Variants in ZFAND3 observed in about 807,000 individuals in gnomAD.
ZFAND3 encodes AN1-type zinc finger protein 3.
A neutral mutation model predicts 29.6 loss-of-function variants in ZFAND3; 10 were observed. The observed-to-expected ratio is 0.34, with a 90% CI of 0.21 to 0.57. ZFAND3 has a LOEUF of 0.57. Ranked by LOEUF, ZFAND3 falls within the 20% of genes least tolerant of loss-of-function variation. The pLI is 0.86. For synonymous variants in ZFAND3, 128 were observed against 112.6 expected, an observed-to-expected ratio of 1.14 and a Z score of -0.87; for missense variants, 230 against 304.5, an observed-to-expected ratio of 0.76 and a Z score of 1.82.
chr6:38,152,298 G>C lies in ZFAND3; in HGVS notation c.593G>C (p.Gly198Ala), dbSNP rs1281381480. The C allele has an allele frequency of 6.2e-7, 1 of 1,609,834 alleles. No homozygotes were observed. The highest frequency in any genetic ancestry group is 2.2e-5 in the East Asian group (1 of 44,530). The change falls in exon 6 of 6, where the codon GGC becomes GCC. Residue 198 changes from glycine (G) to alanine (A), a missense_variant. Transcript: ENST00000287218. ...EQHDCTFDHM[G>A]RGREEAIMKM... ...CACGACTGCACATTCGACCACATGGGCCGTGGCCGGGAGGAAGCCATCATG... is the reference window on the plus strand; with the variant it reads ...CACGACTGCACATTCGACCACATGGCCCGTGGCCGGGAGGAAGCCATCATG...
At chr6:37,977,426 C>T (rs888051511) in intron 2 of ZFAND3, among the ~76,000 whole-genome samples, 12 of 152,086 alleles carry the variant, frequency 7.9e-5, no homozygotes, top group Non-Finnish European at 1.3e-4. Flanking sequence ...GTTAGCCTCC[C>T]GAGTAGCTAG....
At chr6:38,110,403 G>A (rs184628429) in intron 4 of ZFAND3, among the ~76,000 whole-genome samples, 4 of 152,188 alleles carry the variant, frequency 2.6e-5, no homozygotes, top group Admixed American at 2.6e-4. Context: ...CATATACCCC[G>A]AAAGCAAAGC....
At chr6:38,117,141 C>CTATT (rs1765434419) in intron 5 of ZFAND3, among the ~76,000 whole-genome samples, 1 of 151,348 alleles carries the variant, frequency 6.6e-6, no homozygotes, top group Non-Finnish European at 1.5e-5. Flanking sequence ...GAGCTTCTTA[C>CTATT]TATTTATGAT....
chr6:37,901,506 T>A (rs1393567684), intron 1 of ZFAND3, among the ~76,000 whole-genome samples: 1 of 152,042 alleles, frequency 6.6e-6, no homozygotes, highest in Non-Finnish European at 1.5e-5. Context: ...TAGTTACTCA[T>A]CAGGAGGCTG....
intron 2 of ZFAND3, among the ~76,000 whole-genome samples, chr6:38,044,889 A>G (rs1270887792): frequency 6.6e-6 from 1 of 152,022 alleles, no homozygotes; most frequent in Non-Finnish European, 1.5e-5. Context: ...TGTTAAGGAA[A>G]TTGTACTGCT....
chr6:37,932,871 G>C (rs1761624463), intron 2 of ZFAND3, among the ~76,000 whole-genome samples: 1 of 151,994 alleles, frequency 6.6e-6, no homozygotes, highest in Non-Finnish European at 1.5e-5. Flanking sequence ...GAAAATATTC[G>C]CTTCTCTCTA....
intron 3 of ZFAND3, among the ~76,000 whole-genome samples, chr6:38,078,993 TTTG>T (rs1314051746): frequency 2.0e-5 from 3 of 152,172 alleles, no homozygotes; most frequent in Non-Finnish European, 4.4e-5. Context: ...TGTTATATAT[TTTG>T]TTGTTGTTGT....
At chr6:38,054,923 A>G (rs955793484) in intron 2 of ZFAND3, among the ~76,000 whole-genome samples, 5 of 152,192 alleles carry the variant, frequency 3.3e-5, no homozygotes, top group Non-Finnish European at 4.4e-5. Flanking sequence ...ATGGCTTTGT[A>G]GCTTTTTAAA....
chr6:38,001,647 T>G (rs1162338349), intron 2 of ZFAND3, among the ~76,000 whole-genome samples: 1 of 152,336 alleles, frequency 6.6e-6, no homozygotes, highest in Non-Finnish European at 1.5e-5. Flanking sequence ...CATTAATTCA[T>G]CCCTTGGTCA....
At chr6:37,982,873 A>G (rs1762603378) in intron 2 of ZFAND3, among the ~76,000 whole-genome samples, 2 of 152,232 alleles carry the variant, frequency 1.3e-5, no homozygotes, top group Admixed American at 6.5e-5. Flanking sequence ...TCCAGTAGGA[A>G]AAAATCCTTG....
At chr6:37,872,157 G>C (rs1453123351) in intron 1 of ZFAND3, among the ~76,000 whole-genome samples, 1 of 152,112 alleles carries the variant, frequency 6.6e-6, no homozygotes, top group African/African-American at 2.4e-5. Flanking sequence ...TTTCTATCTG[G>C]ATTCTATTAC....
chr6:38,080,542 C>T (rs771769310), intron 3 of ZFAND3, among the ~76,000 whole-genome samples: 6 of 151,942 alleles, frequency 3.9e-5, no homozygotes, highest in African/African-American at 1.2e-4. Flanking sequence ...CATCAAAAGT[C>T]GCTTATTGGC....
At chr6:38,144,187 A>ATATATTATATATATATATAT (rs1766028449) in intron 5 of ZFAND3, among the ~76,000 whole-genome samples, 1 of 22,600 alleles carries the variant, frequency 4.4e-5, no homozygotes, top group African/African-American at 2.0e-4. Flanking sequence ...TATATATAAT[A>ATATATTATATATATATATAT]TATATATATA....
chr6:37,891,423 C>G (rs1357172170), intron 1 of ZFAND3, among the ~76,000 whole-genome samples: 1 of 142,954 alleles, frequency 7.0e-6, no homozygotes, highest in Non-Finnish European at 1.5e-5. Flanking sequence ...CAGTCCCCCC[C>G]CCCGCCTTTA....
chr6:37,981,652 G>C (rs186726315), intron 2 of ZFAND3, among the ~76,000 whole-genome samples: 8 of 152,168 alleles, frequency 5.3e-5, no homozygotes, highest in Admixed American at 2.0e-4. Context: ...AAAATATATA[G>C]TGTTTGACTC....
intron 2 of ZFAND3, among the ~76,000 whole-genome samples, chr6:38,006,435 A>G (rs1471976681): frequency 6.6e-6 from 1 of 152,178 alleles, no homozygotes; most frequent in Non-Finnish European, 1.5e-5. Context: ...TAAATTAAAT[A>G]TAAATTTGGT....
In ZFAND3 at chr6:37,903,536, G is replaced by A. The variant is rs553855486; in HGVS notation, c.72-26423G>A. Among the ~76,000 whole-genome samples the A allele has an allele frequency of 2.7e-4, 41 of 152,262 alleles. No individual in the cohort carries two copies. The South Asian group carries it at 7.7e-3, about 29-fold the overall frequency. On this transcript the variant is annotated intron_variant, in intron 1 of 5. Coordinates refer to ENST00000287218, the MANE Select transcript of ZFAND3 (RefSeq NM_021943.3). ...TTGCTACCAAGCTTTTACTTACAGC[G>A]CATATTCCGTTTAGTAGAGTAAGAT... is the stretch of plus-strand genomic sequence containing the variant.
At chr6:38,147,352 T>A (rs995260078) in intron 5 of ZFAND3, among the ~76,000 whole-genome samples, 1 of 152,264 alleles carries the variant, frequency 6.6e-6, no homozygotes, top group Non-Finnish European at 1.5e-5. Flanking sequence ...AGTATTCCTT[T>A]GTGTATATAT....
At chr6:38,096,887 C>T (rs914257962) in intron 4 of ZFAND3, among the ~76,000 whole-genome samples, 1 of 152,032 alleles carries the variant, frequency 6.6e-6, no homozygotes, top group Non-Finnish European at 1.5e-5. Context: ...ATGGTAATGT[C>T]TTCTAAGCAT....
Sources: gnomAD v4.1 joint callset for allele counts (sites outside exome capture counted in the v4.1 genomes callset) on GRCh38, gnomAD v4.1.1 for gene constraint, MANE v1.5 for transcripts, NCBI Gene and HGNC (gene_info 2026-07-23, HGNC 2026-07-21) for gene names.